SAXO1: variants seen among roughly 807,000 people sequenced by gnomAD.
SAXO1 encodes the protein 4930500O09Rik.
SAXO1 carries 21 observed loss-of-function variants against 17.5 expected under a neutral mutation model. The observed-to-expected ratio is 1.20, with a 90% CI of 0.85 to 1.72. The LOEUF is 1.72. SAXO1 is among the 40% of genes most tolerant of loss of function. The probability of loss-of-function intolerance (pLI) is 0.00; values close to 1 mark genes in which losing one functional copy is unlikely to be tolerated. For missense variants in SAXO1, 843 were observed against 596.0 expected (o/e 1.41, Z -4.32); for synonymous variants, 274 against 216.5 (o/e 1.27, Z -2.33).
chr9:18,974,687 G>A (rs761669235), intron 1 of SAXO1, among the ~76,000 whole-genome samples: 6 of 151,876 alleles, frequency 4.0e-5, no homozygotes, highest in Non-Finnish European at 7.3e-5. Flanking sequence ...ACAGATCAAT[G>A]AGTACATACT....
At chr9:19,025,703 A>C (rs1339655436) in intron 1 of SAXO1, among the ~76,000 whole-genome samples, 1 of 152,204 alleles carries the variant, frequency 6.6e-6, no homozygotes, top group South Asian at 2.1e-4. Flanking sequence ...GATTGCACAA[A>C]ATCTTTAAAA....
At chr9:19,008,460 A>C (rs770362609) in intron 1 of SAXO1, among the ~76,000 whole-genome samples, 3 of 152,190 alleles carry the variant, frequency 2.0e-5, no homozygotes, top group Non-Finnish European at 4.4e-5. Flanking sequence ...TTCACAAATC[A>C]AAATGGCAAT....
chr9:18,989,097 G>C (rs562286275), intron 1 of SAXO1, among the ~76,000 whole-genome samples: 70 of 152,238 alleles, frequency 4.6e-4, no homozygotes, highest in African/African-American at 1.6e-3. Flanking sequence ...AATAGGGTAT[G>C]ACTGATCACT....
chr9:18,962,425 G>C (rs139877810), intron 1 of SAXO1, among the ~76,000 whole-genome samples: 166 of 152,264 alleles, frequency 1.1e-3, no homozygotes, highest in African/African-American at 3.9e-3. Context: ...TCATATGTTT[G>C]TTTGGCCGCA....
At chr9:18,949,101 C>T (rs188820347) in intron 2 of SAXO1, among the ~76,000 whole-genome samples, 2 of 152,118 alleles carry the variant, frequency 1.3e-5, no homozygotes, top group African/African-American at 4.8e-5. Context: ...ACTGTTTTCC[C>T]AGCAAAATGA....
At chr9:19,044,973 G>A (rs1836172509) in intron 1 of SAXO1, among the ~76,000 whole-genome samples, 2 of 152,078 alleles carry the variant, frequency 1.3e-5, no homozygotes, top group Admixed American at 6.6e-5. Context: ...AGTGAGAGCA[G>A]AGACTGCACT....
chr9:19,036,870 C>T (rs1835954327), upstream of SAXO1, among the ~76,000 whole-genome samples: 1 of 152,136 alleles, frequency 6.6e-6, no homozygotes, highest in Non-Finnish European at 1.5e-5. Context: ...ACAAATTGCA[C>T]TGTGTGCCTG....
chr9:19,047,420 C>T (rs1252563619), intron 1 of SAXO1, among the ~76,000 whole-genome samples: 1 of 152,000 alleles, frequency 6.6e-6, no homozygotes, highest in African/African-American at 2.4e-5. Flanking sequence ...ATATCCAGAC[C>T]TTAGGAGTAT....
intron 1 of SAXO1, among the ~76,000 whole-genome samples, chr9:19,005,958 A>C (rs1230231700): frequency 6.6e-6 from 1 of 152,172 alleles, no homozygotes; most frequent in African/African-American, 2.4e-5. Flanking sequence ...ACAAACAAAC[A>C]ACCCACCTTG....
intron 1 of SAXO1, among the ~76,000 whole-genome samples, chr9:18,952,513 C>T (rs1273010733): frequency 6.6e-6 from 1 of 152,186 alleles, no homozygotes; most frequent in Non-Finnish European, 1.5e-5. Flanking sequence ...ATCTACTCTC[C>T]AGAGAAAATC....
chr9:18,958,333 A>G (rs1279910534), intron 1 of SAXO1, among the ~76,000 whole-genome samples: 3 of 152,176 alleles, frequency 2.0e-5, no homozygotes, highest in Non-Finnish European at 4.4e-5. Flanking sequence ...CTGAGGCAGG[A>G]CAATCATTTG....
intron 1 of SAXO1, among the ~76,000 whole-genome samples, chr9:19,012,806 T>C (rs547137311): frequency 4.6e-5 from 7 of 152,300 alleles, no homozygotes; most frequent in African/African-American, 1.2e-4. Flanking sequence ...TCTAAATAAA[T>C]TGGCATTTCA....
chr9:19,008,799 G>A (rs1834598940), intron 1 of SAXO1, among the ~76,000 whole-genome samples: 1 of 152,172 alleles, frequency 6.6e-6, no homozygotes. Flanking sequence ...CCCAGCCACT[G>A]CAGGGGACTT....
In SAXO1 at chr9:18,948,935, A is replaced by G. The variant is rs531070669; in HGVS notation, c.218+1823T>C. Among the ~76,000 whole-genome samples, 9 of 152,312 alleles carry G rather than the reference A, an allele frequency of 5.9e-5. No homozygotes were observed. In the East Asian group the frequency reaches 9.6e-4, roughly 16 times the overall value. ...ACAAGATATTTGCAAGCCACCCCTC[A>G]GTACTACTCTCACCCTTTCCTACCG... On this transcript the variant is annotated intron_variant, in intron 2 of 3. Transcript: ENST00000380534.
chr9:18,935,819 G>A (rs1831264829), intron 3 of SAXO1, among the ~76,000 whole-genome samples: 1 of 152,066 alleles, frequency 6.6e-6, no homozygotes, highest in Admixed American at 6.6e-5. Flanking sequence ...GAAACTCCTG[G>A]GGATGCACTC....
chr9:18,981,875 C>T (rs1312778912), intron 1 of SAXO1, among the ~76,000 whole-genome samples: 1 of 152,262 alleles, frequency 6.6e-6, no homozygotes, highest in African/African-American at 2.4e-5. Flanking sequence ...CTCCCCAACT[C>T]CAAAACCCTT....
intron 3 of SAXO1, among the ~76,000 whole-genome samples, chr9:18,938,144 A>G (rs1831374961): frequency 6.6e-6 from 1 of 152,182 alleles, no homozygotes; most frequent in Non-Finnish European, 1.5e-5. Flanking sequence ...ACTCTGTTTA[A>G]GTAGGCAAGC....
At chr9:19,030,246 G>C (rs12379691) in intron 1 of SAXO1, among the ~76,000 whole-genome samples, 43,921 of 151,920 alleles carry the variant, frequency 0.29, 7,181 homozygotes, top group African/African-American at 0.45. Context: ...TCCAATTCAA[G>C]GTGTAGTTTC....
At chr9:18,976,864 T>C (rs1218184936) in intron 1 of SAXO1, among the ~76,000 whole-genome samples, 5 of 152,242 alleles carry the variant, frequency 3.3e-5, no homozygotes, top group African/African-American at 9.6e-5. Flanking sequence ...CCTGCCGTCC[T>C]CCAGCTACAC....
Sources: gnomAD v4.1 joint callset for allele counts (sites outside exome capture counted in the v4.1 genomes callset) on GRCh38, gnomAD v4.1.1 for gene constraint, MANE v1.5 for transcripts, NCBI Gene and HGNC (gene_info 2026-07-23, HGNC 2026-07-21) for gene names.